Variants in DRAXIN observed in about 807,000 individuals in gnomAD.
The protein encoded by DRAXIN is dorsal repulsive axon guidance protein.
A neutral mutation model predicts 33.9 loss-of-function variants in DRAXIN; 27 were observed. The observed-to-expected ratio is 0.80, with a 90% confidence interval of 0.59 to 1.10. The LOEUF (loss-of-function observed/expected upper bound fraction) is 1.10, where lower values mean the gene tolerates loss of function less well. Ranked by LOEUF, DRAXIN falls within the 50% of genes least tolerant of loss-of-function variation. The pLI, the probability that DRAXIN is intolerant of heterozygous loss-of-function variation, is 0.00. For missense variants in DRAXIN, 371 were observed against 460.8 expected (o/e 0.81, Z 1.78); for synonymous variants, 178 against 194.0 (o/e 0.92, Z 0.69).
At position 11,692,271 on chromosome 1, in the gene DRAXIN, A is replaced by T. The variant is rs1231237860; in HGVS notation, c.-11+418A>T. Among the ~76,000 whole-genome samples the T allele has an allele frequency of 1.3e-5, 2 of 151,962 alleles. No homozygotes were observed. Among genetic ancestry groups the T allele is most frequent in the Non-Finnish European group, 2.9e-5 (2 of 67,972 alleles). On this transcript the variant is annotated intron_variant, in intron 1 of 6. Coordinates refer to ENST00000294485, the MANE Select transcript of DRAXIN (RefSeq NM_198545.4). The surrounding 1 kb of genome is among the most constrained non-coding windows in gnomAD (Gnocchi z 5.8). ...TGAGTCTCCGGGTGGTCTCTCAGGC[A>T]GGGGGCCCCAGTCCGCCACCGTTGG...
At chr1:11,713,771 T>A (rs1641533782) in intron 5 of DRAXIN, among the ~76,000 whole-genome samples, 1 of 152,092 alleles carries the variant, frequency 6.6e-6, no homozygotes, top group Non-Finnish European at 1.5e-5. Flanking sequence ...CTGGGTGCGG[T>A]GGCTCACGCC....
At position 11,704,493 on chromosome 1, in the gene DRAXIN, A is replaced by G. The variant is rs1641349115; in HGVS notation, c.-10-1756A>G. On this transcript the variant is annotated intron_variant, in intron 1 of 6. Transcript: ENST00000294485. This position sits in a 1 kb window ranked among gnomAD's most constrained non-coding sequence, Gnocchi z 4.6. Reference sequence around the variant, plus strand: ...CTCCCCCTGGGCTGCCTCAGGAACCAGGGACACAGGTCCCGCTTGCTGAGC... The same window carrying G: ...CTCCCCCTGGGCTGCCTCAGGAACCGGGGACACAGGTCCCGCTTGCTGAGC... 6.6e-6 allele frequency among the ~76,000 whole-genome samples: 1 copy of G among 152,212 alleles called. No individual in the cohort carries two copies.
At position 11,719,892 on chromosome 1, in the gene DRAXIN, G is replaced by A; in HGVS notation, c.*196G>A. The A allele has an allele frequency of 1.7e-6, 1 of 579,644 alleles. No homozygotes were observed. Among genetic ancestry groups the A allele is most frequent in the Non-Finnish European group, 3.1e-6 (1 of 320,446 alleles). The allele number at this position is 579,644 out of a possible 1,614,324, so 35.9% of individuals were successfully genotyped here. ...GCCCAGGAGCCGGCCCGCAGCACCT[G>A]CACACACGAAGTCCGGACCCACGCA... On this transcript the variant is annotated 3_prime_UTR_variant, in exon 7 of 7. Coordinates refer to ENST00000294485, the MANE Select transcript of DRAXIN (RefSeq NM_198545.4).
At chr1:11,708,879 C>T (rs1176542610) in intron 2 of DRAXIN, among the ~76,000 whole-genome samples, 1 of 152,204 alleles carries the variant, frequency 6.6e-6, no homozygotes, top group Non-Finnish European at 1.5e-5. Flanking sequence ...AAGGCCACTG[C>T]AATGATTCTC....
chr1:11,713,602 T>C (rs970902726), intron 5 of DRAXIN, among the ~76,000 whole-genome samples: 3 of 151,984 alleles, frequency 2.0e-5, no homozygotes, highest in Non-Finnish European at 4.4e-5. Flanking sequence ...AAGTTAGAAG[T>C]GTGAGACCGG....
rs942365448 is a variant in DRAXIN, at chr1:11,722,293, A to G, written c.*2597A>G. 1.3e-5 allele frequency: 2 copies of G among 152,230 alleles called. No homozygotes were observed. The highest frequency in any genetic ancestry group is 2.9e-5 in the Non-Finnish European group (2 of 68,094). The allele number at this position is 152,230 out of a possible 1,614,324, so 9.4% of individuals were successfully genotyped here. ...CGCCGGAAGAAAGCCCAGCATTACT[A>G]TGGCTGGGGGACAGCTGTTAGATGG... On this transcript the variant is annotated 3_prime_UTR_variant, in exon 7 of 7. Coordinates refer to ENST00000294485, the MANE Select transcript of DRAXIN (RefSeq NM_198545.4).
chr1:11,709,447 C>G lies in DRAXIN; in HGVS notation c.624C>G (p.Val208=), dbSNP rs754113609. The G allele has an allele frequency of 6.2e-7, 1 of 1,613,532 alleles. No individual in the cohort carries two copies. The highest frequency in any genetic ancestry group is 8.5e-7 in the Non-Finnish European group (1 of 1,179,718). Residue 208 remains valine, a synonymous_variant, in exon 3 of 7, where the codon GTC becomes GTG. Transcript: ENST00000294485. ...PATEESLILP[V]TSLRPQQAQP... ...CAGAAGAGTCCCTGATCCTGCCCGT[C>G]ACCTCCCTGCGGCCCCAGGTAAGGG... is the stretch of plus-strand genomic sequence containing the variant.
In DRAXIN at chr1:11,696,722, G is replaced by A. The variant is rs1055485756; in HGVS notation, c.-11+4869G>A. On this transcript the variant is annotated intron_variant, in intron 1 of 6. Coordinates refer to ENST00000294485, the MANE Select transcript of DRAXIN (RefSeq NM_198545.4). The surrounding 1 kb of genome is among the most constrained non-coding windows in gnomAD (Gnocchi z 4.7). ...GCAAAAATTAGCCGGGCGTGGTGGT[G>A]TGCACCTGTAGTCCCAGCTACTCGG... 5.3e-5 allele frequency among the ~76,000 whole-genome samples: 8 copies of A among 152,074 alleles called. No homozygotes were observed. The highest frequency in any genetic ancestry group is 1.9e-4 in the African/African-American group (8 of 41,400).
At position 11,694,121 on chromosome 1, in the gene DRAXIN, A is replaced by G. The variant is rs968857863; in HGVS notation, c.-11+2268A>G. ...TCCCTTGCCTCCCTAGCTCTTGTGA[A>G]CTGCACGGCATAATCCCTATCTGGG... On this transcript the variant is annotated intron_variant, in intron 1 of 6. Transcript: ENST00000294485. The surrounding 1 kb of genome is among the most constrained non-coding windows in gnomAD (Gnocchi z 4.9). 2.0e-5 allele frequency among the ~76,000 whole-genome samples: 3 copies of G among 151,986 alleles called. No homozygotes were observed. The highest frequency in any genetic ancestry group is 7.3e-5 in the African/African-American group (3 of 41,372).
In DRAXIN at chr1:11,715,067, C is replaced by T. The variant is rs1329022493; in HGVS notation, c.848-52C>T. On this transcript the variant is annotated intron_variant, in intron 5 of 6. Coordinates refer to ENST00000294485, the MANE Select transcript of DRAXIN (RefSeq NM_198545.4). Reference sequence around the variant, plus strand: ...TCCAGTGGGACCGAGTGCAGGGCTGCGGGGAGGGGCGGCTCAGCTTGGCTG... The same window carrying T: ...TCCAGTGGGACCGAGTGCAGGGCTGTGGGGAGGGGCGGCTCAGCTTGGCTG... 10 of 1,595,112 alleles carry T rather than the reference C, an allele frequency of 6.3e-6. No homozygotes were observed. The Admixed American group carries it at 6.7e-5, about 11-fold the overall frequency.
Position 11,723,151 on chromosome 1 carries a change from C to G in DRAXIN, c.*3455C>G, listed in dbSNP as rs1376719733. ...CATAAAATATTATTAGTTTAATTTTCTAAAACCATTTAAAAGTGCAAAAAC... is the reference window on the plus strand; with the variant it reads ...CATAAAATATTATTAGTTTAATTTTGTAAAACCATTTAAAAGTGCAAAAAC... On this transcript the variant is annotated 3_prime_UTR_variant, in exon 7 of 7. Coordinates refer to ENST00000294485, the MANE Select transcript of DRAXIN (RefSeq NM_198545.4). 4 of 152,228 alleles carry G rather than the reference C, an allele frequency of 2.6e-5. No individual in the cohort carries two copies. Among genetic ancestry groups the G allele is most frequent in the Middle Eastern group, 3.4e-3 (1 of 294 alleles). 9.4% of individuals were successfully genotyped at this position (152,228 alleles called of 1,614,324 possible). A position where few individuals can be genotyped will look rare whatever the true frequency, so the allele number is the denominator to read the frequency against.
intron 2 of DRAXIN, among the ~76,000 whole-genome samples, chr1:11,707,935 C>G (rs1219077051): frequency 6.6e-6 from 1 of 152,232 alleles, no homozygotes; most frequent in Non-Finnish European, 1.5e-5. Context: ...TGCCGAGTGC[C>G]ACAAATGCAG....
At chr1:11,702,449 TCA>T (rs550309082) in intron 1 of DRAXIN, among the ~76,000 whole-genome samples, 82 of 149,150 alleles carry the variant, frequency 5.5e-4, no homozygotes, top group South Asian at 5.1e-3. Context: ...TCCTACACAC[TCA>T]CAACACACAT....
intron 2 of DRAXIN, among the ~76,000 whole-genome samples, chr1:11,708,837 T>G (rs991434525): frequency 4.6e-5 from 7 of 152,336 alleles, no homozygotes; most frequent in Middle Eastern, 3.4e-3. Flanking sequence ...TTGTGTGTGA[T>G]AAGCAGTGAT....
At chr1:11,715,516 G>A (rs1444118696) in intron 6 of DRAXIN, among the ~76,000 whole-genome samples, 1 of 152,132 alleles carries the variant, frequency 6.6e-6, no homozygotes, top group African/African-American at 2.4e-5. Context: ...GGAAGAGGGA[G>A]AAGGGAGGAG....
upstream of DRAXIN, among the ~76,000 whole-genome samples, chr1:11,686,995 TG>T (rs1166544687): frequency 6.6e-6 from 1 of 152,178 alleles, no homozygotes; most frequent in African/African-American, 2.4e-5. Flanking sequence ...GCCCAAAGTG[TG>T]TTGCCAGGTA....
intron 1 of DRAXIN, among the ~76,000 whole-genome samples, chr1:11,698,485 T>A (rs918387443): frequency 1.3e-5 from 2 of 152,140 alleles, no homozygotes; most frequent in Non-Finnish European, 2.9e-5. Flanking sequence ...CCATCTCCAA[T>A]TCCTGCCGTT....
At chr1:11,714,357 G>A (rs1641542383) in intron 5 of DRAXIN, among the ~76,000 whole-genome samples, 2 of 152,238 alleles carry the variant, frequency 1.3e-5, no homozygotes. Context: ...CCTGTTAGAC[G>A]AGGCCCGTGC....
Position 11,715,187 on chromosome 1 carries a change from G to T in DRAXIN, c.916G>T (p.Asp306Tyr). 6.2e-7 allele frequency: 1 copy of T among 1,614,244 alleles called. No homozygotes were observed. The highest frequency in any genetic ancestry group is 1.1e-5 in the South Asian group (1 of 91,084). Residue 306 changes from aspartate to tyrosine, a missense_variant, in exon 6 of 7, where the codon GAT becomes TAT. Physicochemically the swap from Asp to Tyr is radical, Grantham distance 160. Transcript: ENST00000294485. ...CCGAGGCCTCAACAACAAATGCTTCGATGACTGCATGTGTGTGGAAGGTGG... is the reference window on the plus strand; with the variant it reads ...CCGAGGCCTCAACAACAAATGCTTCTATGACTGCATGTGTGTGGAAGGTGG... Reference protein sequence around the residue: ...HNRGLNNKCFDDCMCVEGLRC... With the variant: ...HNRGLNNKCFYDCMCVEGLRC...
Sources: allele counts gnomAD v4.1 joint callset (sites outside exome capture counted in the v4.1 genomes callset), GRCh38; gene constraint gnomAD v4.1.1; non-coding constraint Gnocchi (gnomAD v3.1); transcripts MANE v1.5; gene names NCBI Gene and HGNC (gene_info 2026-07-23, HGNC 2026-07-21).